Variants in LYPD6B observed in about 807,000 individuals in gnomAD.
The protein encoded by LYPD6B is ly6/PLAUR domain-containing protein 6B.
A neutral mutation model predicts 22.8 loss-of-function variants in LYPD6B; 17 were observed. That is an observed-to-expected ratio of 0.75 (90% confidence interval 0.51 to 1.12). The LOEUF is 1.12. LYPD6B is among the 50% of genes most tolerant of loss of function. The pLI is 0.00. For missense variants in LYPD6B, 221 were observed against 258.3 expected (o/e 0.86, Z 0.99); for synonymous variants, 106 against 91.6 (o/e 1.16, Z -0.90).
intron 2 of LYPD6B, among the ~76,000 whole-genome samples, chr2:149,144,424 C>A (rs183368324): frequency 5.9e-5 from 9 of 152,150 alleles, no homozygotes; most frequent in South Asian, 2.1e-4. Flanking sequence ...CAGAGTCTCC[C>A]CCTGTCACCC....
At chr2:149,056,714 T>C (rs1683813475) in intron 1 of LYPD6B, among the ~76,000 whole-genome samples, 1 of 152,118 alleles carries the variant, frequency 6.6e-6, no homozygotes, top group African/African-American at 2.4e-5. Context: ...TACAGCCCAC[T>C]CTTGGCTCCA....
intron 3 of LYPD6B, among the ~76,000 whole-genome samples, chr2:149,197,057 G>C (rs565160751): frequency 3.9e-5 from 6 of 152,184 alleles, no homozygotes; most frequent in Non-Finnish European, 7.4e-5. Flanking sequence ...GTTCAATAAA[G>C]AGAGCAGCTC....
intron 5 of LYPD6B, 118 bp from the exon 6 acceptor site, chr2:149,212,874 C>T (rs895369431): frequency 9.8e-6 from 10 of 1,015,786 alleles, no homozygotes; most frequent in Non-Finnish European, 1.4e-5. Context: ...GCCTAAAAAC[C>T]CCAGGACTGG....
intron 2 of LYPD6B, among the ~76,000 whole-genome samples, chr2:149,149,782 G>T (rs549496751): frequency 6.6e-6 from 1 of 152,244 alleles, no homozygotes; most frequent in Non-Finnish European, 1.5e-5. Context: ...AAGTATCCAT[G>T]AATCAATCCT....
Position 149,205,404 on chromosome 2 carries a change from C to T in LYPD6B, c.229C>T (p.Pro77Ser), listed in dbSNP as rs200555292. 1.0e-4 allele frequency: 163 copies of T among 1,613,252 alleles called. No individual in the cohort carries two copies. The highest frequency in any genetic ancestry group is 2.0e-4 in the African/African-American group (15 of 74,904). ...NFYNVRPPLD[P>S]TPFPNSFKCF... ...CTATAATGTGAGGCCTCCTCTCGAC[C>T]GTAAGTAGTGGTGGTTGCCATCCTA... Residue 77 changes from proline (P) to serine (S), a missense_variant and splice_region_variant, in exon 4 of 7, where the codon CCT becomes TCT. By Grantham distance (74) the Pro-to-Ser change is moderately conservative (BLOSUM62 -1). Transcript: ENST00000409642.
intron 1 of LYPD6B, among the ~76,000 whole-genome samples, chr2:149,124,457 G>A (rs574843955): frequency 1.2e-4 from 19 of 152,288 alleles, no homozygotes; most frequent in Admixed American, 5.2e-4. Context: ...TCTGAAACCC[G>A]TGATGTTAAG....
In LYPD6B at chr2:149,087,526, G is replaced by A. The variant is rs75696259; in HGVS notation, c.-66-43357G>A. On this transcript the variant is annotated intron_variant, in intron 1 of 6. Coordinates refer to ENST00000409642, the MANE Select transcript of LYPD6B (RefSeq NM_177964.5). Reference sequence around the variant, plus strand: ...GGCTGCAGTGAGCTGTAATTATGTCGCCGCACTCTAGCCTGGGCAACAGAG... The same window carrying A: ...GGCTGCAGTGAGCTGTAATTATGTCACCGCACTCTAGCCTGGGCAACAGAG... Among the ~76,000 whole-genome samples the A allele has an allele frequency of 7.1e-3, 1,078 of 152,042 alleles. 17 individuals carry two copies. Among genetic ancestry groups the A allele is most frequent in the African/African-American group, 0.023 (942 of 41,450 alleles).
chr2:149,150,172 C>T (rs403864), intron 2 of LYPD6B, among the ~76,000 whole-genome samples: 98,797 of 152,038 alleles, frequency 0.65, 32,259 homozygotes, highest in South Asian at 0.76. Flanking sequence ...TTGCTATAAG[C>T]AGCTTGGAGC....
chr2:149,200,707 T>A (rs1178989042), intron 3 of LYPD6B: 1 of 152,186 alleles, frequency 6.6e-6, no homozygotes, highest in Non-Finnish European at 1.5e-5. Context: ...AAGTGCCAGG[T>A]AAGTCCTTGA....
At chr2:149,149,408 C>T (rs924369411) in intron 2 of LYPD6B, among the ~76,000 whole-genome samples, 1 of 143,264 alleles carries the variant, frequency 7.0e-6, no homozygotes, top group Non-Finnish European at 1.6e-5. Flanking sequence ...TCCTCCTGTA[C>T]TCAAATCCTA....
intron 2 of LYPD6B, among the ~76,000 whole-genome samples, chr2:149,131,975 A>T (rs1688057534): frequency 6.6e-6 from 1 of 152,028 alleles, no homozygotes; most frequent in Non-Finnish European, 1.5e-5. Context: ...TTTGTGCTTT[A>T]TTTATGGAGA....
At chr2:149,045,914 A>T (rs1012273970) in intron 1 of LYPD6B, among the ~76,000 whole-genome samples, 1 of 152,116 alleles carries the variant, frequency 6.6e-6, no homozygotes, top group Non-Finnish European at 1.5e-5. Flanking sequence ...AAGTTGCTTG[A>T]TAGGGTTGTT....
At chr2:149,062,700 G>C (rs1007582637) in intron 1 of LYPD6B, among the ~76,000 whole-genome samples, 2 of 151,984 alleles carry the variant, frequency 1.3e-5, no homozygotes, top group African/African-American at 2.4e-5. Context: ...TTATTTTGTT[G>C]AGTAAAAAAT....
intron 1 of LYPD6B, among the ~76,000 whole-genome samples, chr2:149,106,583 T>C (rs1574977052): frequency 6.6e-6 from 1 of 152,316 alleles, no homozygotes; most frequent in East Asian, 1.9e-4. Context: ...TAATATTCCC[T>C]TACTGCATTT....
chr2:149,120,385 T>TATATATATATA (rs56118666), intron 1 of LYPD6B, among the ~76,000 whole-genome samples: 38 of 54,730 alleles, frequency 6.9e-4, no homozygotes, highest in Non-Finnish European at 8.7e-4. Context: ...ATATATATAT[T>TATATATATATA]TTTTTTTTTT....
intron 1 of LYPD6B, among the ~76,000 whole-genome samples, chr2:149,085,694 T>G (rs1158473748): frequency 6.6e-6 from 1 of 152,198 alleles, no homozygotes; most frequent in Non-Finnish European, 1.5e-5. Context: ...AGTTATAACA[T>G]TGTAGAATTT....
chr2:149,209,517 GA>G (rs201165863), intron 5 of LYPD6B, among the ~76,000 whole-genome samples: 14 of 151,142 alleles, frequency 9.3e-5, no homozygotes, highest in Middle Eastern at 3.4e-3. Flanking sequence ...AAGAGGCCAA[GA>G]AAAAAAAACT....
intron 2 of LYPD6B, among the ~76,000 whole-genome samples, chr2:149,144,437 G>A (rs907311268): frequency 4.6e-5 from 7 of 152,120 alleles, no homozygotes; most frequent in African/African-American, 1.7e-4. Flanking sequence ...TGTCACCCAG[G>A]CTGGAATGCA....
intron 1 of LYPD6B, among the ~76,000 whole-genome samples, chr2:149,127,993 G>T (rs1687797054): frequency 4.6e-5 from 5 of 108,520 alleles, no homozygotes; most frequent in Admixed American, 2.8e-4. Context: ...GGTAAATGAT[G>T]ATTTTTTTTT....
Sources: gnomAD v4.1 joint callset for allele counts (sites outside exome capture counted in the v4.1 genomes callset) on GRCh38, gnomAD v4.1.1 for gene constraint, MANE v1.5 for transcripts, NCBI Gene and HGNC (gene_info 2026-07-23, HGNC 2026-07-21) for gene names.